MTDH: variants seen among roughly 807,000 people sequenced by gnomAD.
The protein encoded by MTDH is protein LYRIC.
Under a neutral mutation model 72.7 loss-of-function variants are expected in MTDH, and 34 were observed. The observed-to-expected ratio is 0.47, with a 90% CI of 0.36 to 0.62. MTDH has a LOEUF of 0.62. Among genes scored for constraint, MTDH ranks in the 20% least tolerant of loss-of-function variants. The pLI, the probability that MTDH is intolerant of heterozygous loss-of-function variation, is 0.00. For missense variants in MTDH, 677 were observed against 699.4 expected (o/e 0.97, Z 0.36); for synonymous variants, 266 against 268.9 (o/e 0.99, Z 0.10).
intron 9 of MTDH, among the ~76,000 whole-genome samples, chr8:97,716,445 C>T (rs1814874863): frequency 6.6e-6 from 1 of 150,890 alleles, no homozygotes; most frequent in African/African-American, 2.4e-5. Flanking sequence ...AATCCCAGCA[C>T]CTGTGAGGCC....
Position 97,719,032 on chromosome 8 carries a change from GT to G in MTDH, c.1381-15del. 1 of 1,571,360 alleles carries G rather than the reference GT, an allele frequency of 6.4e-7. No homozygotes were observed. The highest frequency in any genetic ancestry group is 1.2e-5 in the South Asian group (1 of 86,290). ...ATGAATGCTTTATATAATCTAATAG[GT>G]TATTTTTCTCTATAGGACACAGAAG... is the stretch of plus-strand genomic sequence containing the variant. On this transcript the variant is annotated splice_polypyrimidine_tract_variant and intron_variant, in intron 9 of 11. Transcript: ENST00000336273.
chr8:97,700,465 T>C (rs1038265262), intron 7 of MTDH, among the ~76,000 whole-genome samples: 3 of 152,216 alleles, frequency 2.0e-5, no homozygotes, highest in African/African-American at 7.2e-5. Context: ...CTGTGGGGTT[T>C]TCCACCATTT....
chr8:97,693,985 G>C (rs1189744312), intron 6 of MTDH, among the ~76,000 whole-genome samples: 1 of 152,078 alleles, frequency 6.6e-6, no homozygotes, highest in Admixed American at 6.6e-5. Context: ...ACAGTGCTGG[G>C]ATTACAGATG....
intron 2 of MTDH, among the ~76,000 whole-genome samples, chr8:97,662,086 A>G (rs1812193501): frequency 6.6e-6 from 1 of 152,054 alleles, no homozygotes; most frequent in Non-Finnish European, 1.5e-5. Context: ...GACTTAATCT[A>G]GCTTGGAAGT....
intron 2 of MTDH, among the ~76,000 whole-genome samples, chr8:97,679,899 T>G (rs1157094578): frequency 1.3e-5 from 2 of 152,222 alleles, no homozygotes; most frequent in African/African-American, 4.8e-5. Flanking sequence ...TTGGCACTGC[T>G]TATTTACTTA....
At chr8:97,702,432 A>G (rs1459509746) in intron 7 of MTDH, among the ~76,000 whole-genome samples, 5 of 152,142 alleles carry the variant, frequency 3.3e-5, no homozygotes, top group Non-Finnish European at 7.3e-5. Flanking sequence ...ATTCCTCCCA[A>G]ACAGTACGGC....
chr8:97,715,452 T>C (rs1814826924), intron 9 of MTDH, among the ~76,000 whole-genome samples: 1 of 152,208 alleles, frequency 6.6e-6, no homozygotes, highest in African/African-American at 2.4e-5. Flanking sequence ...GAAAGAAGTT[T>C]CTACATGGCT....
intron 1 of MTDH, among the ~76,000 whole-genome samples, chr8:97,660,336 G>C (rs905334326): frequency 6.6e-6 from 1 of 152,096 alleles, no homozygotes; most frequent in Non-Finnish European, 1.5e-5. Context: ...CTTACTCCCA[G>C]AACAGTAGAG....
At chr8:97,723,610 G>A (rs1172155832) in intron 11 of MTDH, among the ~76,000 whole-genome samples, 2 of 149,546 alleles carry the variant, frequency 1.3e-5, no homozygotes, top group African/African-American at 2.5e-5. Context: ...GGGCGTGGTG[G>A]CAGGCACCTG....
intron 2 of MTDH, among the ~76,000 whole-genome samples, chr8:97,679,472 G>A (rs534370291): frequency 2.6e-4 from 40 of 152,216 alleles, no homozygotes; most frequent in South Asian, 1.7e-3. Context: ...AAAAACTTTT[G>A]CATAGTTGGA....
chr8:97,662,584 G>A (rs781620289), intron 2 of MTDH, among the ~76,000 whole-genome samples: 14 of 151,564 alleles, frequency 9.2e-5, no homozygotes, highest in African/African-American at 3.1e-4. Flanking sequence ...TCAGGAATTC[G>A]AGACCAGCCT....
intron 2 of MTDH, among the ~76,000 whole-genome samples, chr8:97,678,147 A>G (rs1405688702): frequency 4.6e-5 from 7 of 152,240 alleles, no homozygotes; most frequent in African/African-American, 1.7e-4. Flanking sequence ...CAGTAATGAA[A>G]CACATGAAGA....
chr8:97,719,878 T>A (rs1290046412), intron 10 of MTDH, among the ~76,000 whole-genome samples: 2 of 152,236 alleles, frequency 1.3e-5, no homozygotes, highest in Admixed American at 6.5e-5. Context: ...GGTTATAGGC[T>A]CTTGAATGAT....
chr8:97,675,553 C>G (rs1812801275), intron 2 of MTDH, among the ~76,000 whole-genome samples: 1 of 120,044 alleles, frequency 8.3e-6, no homozygotes, highest in African/African-American at 3.5e-5. Flanking sequence ...GAGCAAGACT[C>G]TGTCTCAAAA....
At chr8:97,676,180 T>A (rs1812839136) in intron 2 of MTDH, among the ~76,000 whole-genome samples, 1 of 152,162 alleles carries the variant, frequency 6.6e-6, no homozygotes, top group South Asian at 2.1e-4. Flanking sequence ...ATGCATGTGT[T>A]CCTCCCACCT....
chr8:97,709,331 T>G (rs1814523731), intron 8 of MTDH, among the ~76,000 whole-genome samples: 1 of 121,638 alleles, frequency 8.2e-6, no homozygotes, highest in African/African-American at 3.7e-5. Context: ...CAAAAAGGCT[T>G]CTTAGAAGTA....
rs566772651 is a variant in MTDH at position 97,728,908 on chromosome 8, CTT to C, written c.*4250_*4251del. The stretch of plus-strand genomic sequence containing the variant: ...GTTCCTCCCCATTCTCAACCTGTAG[CTT>C]TTTTTTTTTTTCTTTTAATGAGATA... On this transcript the variant is annotated 3_prime_UTR_variant, in exon 12 of 12. Transcript: ENST00000336273. 2.1e-5 allele frequency: 3 copies of C among 143,998 alleles called. No homozygotes were observed. Among genetic ancestry groups the C allele is most frequent in the Non-Finnish European group, 3.0e-5 (2 of 65,992 alleles). The allele number at this position is 143,998 out of a possible 1,614,324, so 8.9% of individuals were successfully genotyped here.
chr8:97,657,354 T>G (rs1812020654), intron 1 of MTDH, among the ~76,000 whole-genome samples: 1 of 152,214 alleles, frequency 6.6e-6, no homozygotes. Context: ...GAAATAACTT[T>G]GATTGGCCCT....
chr8:97,677,180 C>CAA lies in MTDH; in HGVS notation c.484-9458_484-9457dup, dbSNP rs71271142. The stretch of plus-strand genomic sequence containing the variant: ...CCTGGGCAACAGTAAAAGCCTGTCT[C>CAA]AAAAAAAAAAAAAAAAAAAAAAAAA... On this transcript the variant is annotated intron_variant, in intron 2 of 11. Transcript: ENST00000336273. Among the ~76,000 whole-genome samples the CAA allele has an allele frequency of 3.9e-3, 172 of 44,054 alleles. 5 individuals are homozygous for CAA. The highest frequency in any genetic ancestry group is 0.014 in the Middle Eastern group (1 of 74). 28.9% of individuals were successfully genotyped at this position (44,054 alleles called of 152,430 possible). A position where few individuals can be genotyped will look rare whatever the true frequency, so the allele number is the denominator to read the frequency against.
Sources: allele counts gnomAD v4.1 joint callset (sites outside exome capture counted in the v4.1 genomes callset), GRCh38; gene constraint gnomAD v4.1.1; transcripts MANE v1.5; gene names NCBI Gene and HGNC (gene_info 2026-07-23, HGNC 2026-07-21).